PCNX4: variants seen among roughly 807,000 people sequenced by gnomAD.
PCNX4 encodes pecanex-like protein 4.
A neutral mutation model predicts 107.2 loss-of-function variants in PCNX4; 103 were observed. The ratio of observed to expected loss-of-function variants is 0.96; its 90% CI spans 0.82 to 1.13. PCNX4 has a LOEUF of 1.13. Ranked by LOEUF, PCNX4 falls within the 50% of genes most tolerant of loss-of-function variation. The probability of loss-of-function intolerance (pLI) is 0.00; values close to 1 mark genes in which losing one functional copy is unlikely to be tolerated. For synonymous variants in PCNX4, 541 were observed against 481.7 expected (o/e 1.12, Z -1.61); for missense variants, 1,528 against 1,379.4 (o/e 1.11, Z -1.71).
rs1406772418 is a variant in PCNX4 at position 60,121,247 on chromosome 14, T to C, written c.1994T>C (p.Met665Thr). ...TTGGGCCGTTTTCAGGATCGTTTAA[T>C]GTGGATAATGATTCTGGAATGTGGC... ...HYLGRFQDRL[M>T]WIMILECGYT... is the part of the protein sequence containing the mutation. Residue 665 changes from methionine to threonine, a missense_variant, in exon 8 of 11, where the codon ATG (methionine) becomes ACG (threonine). Physicochemically the swap from Met to Thr is moderately conservative, Grantham distance 81 (BLOSUM62 -1). Coordinates refer to ENST00000406854, the MANE Select transcript of PCNX4 (RefSeq NM_001330177.2). The C allele has an allele frequency of 3.8e-5, 61 of 1,609,508 alleles. No individual in the cohort carries two copies. Among genetic ancestry groups the C allele is most frequent in the Non-Finnish European group, 5.2e-5 (61 of 1,177,414 alleles).
rs1271460354 is a variant in PCNX4 at position 60,124,510 on chromosome 14, A to G, written c.2339A>G (p.Glu780Gly). 1 of 1,613,694 alleles carries G rather than the reference A, an allele frequency of 6.2e-7. No homozygotes were observed. The highest frequency in any genetic ancestry group is 8.5e-7 in the Non-Finnish European group (1 of 1,179,778). ...TGCTCCAAAAGGCCTGGCATGAAAG[A>G]GAATGTTCACAACACTGAAAATAAA... is the stretch of plus-strand genomic sequence containing the variant. ...QYCSKRPGMKENVHNTENKGK... is the reference protein window; with the variant it reads ...QYCSKRPGMKGNVHNTENKGK... The change falls in exon 9 of 11, where the codon GAG becomes GGG. Residue 780 changes from glutamate (E) to glycine (G), a missense_variant. By Grantham distance (98) the Glu-to-Gly change is moderately conservative (BLOSUM62 -2). Coordinates refer to ENST00000406854, the MANE Select transcript of PCNX4 (RefSeq NM_001330177.2).
chr14:60,097,933 C>T (rs117316309), intron 1 of PCNX4, among the ~76,000 whole-genome samples: 17 of 152,302 alleles, frequency 1.1e-4, no homozygotes, highest in African/African-American at 3.4e-4. Context: ...CCAGAAAGAA[C>T]ACACTGCCCC....
intron 1 of PCNX4, among the ~76,000 whole-genome samples, chr14:60,105,021 C>G (rs1001432567): frequency 6.6e-6 from 1 of 151,854 alleles, no homozygotes; most frequent in Non-Finnish European, 1.5e-5. Context: ...TTTTTTTTCC[C>G]CAGATTTTGG....
chr14:60,114,789 C>T lies in PCNX4; in HGVS notation c.779C>T (p.Thr260Ile), dbSNP rs374895763. ...VFLPFLWALG[T>I]LPPPDALLLW... ...TTACCCTTTCTGTGGGCACTTGGGACTCTGCCCCCACCCGATGCACTTCTC... is the reference window on the plus strand; with the variant it reads ...TTACCCTTTCTGTGGGCACTTGGGATTCTGCCCCCACCCGATGCACTTCTC... Residue 260 changes from threonine (T) to isoleucine (I), a missense_variant, in exon 3 of 11, where the codon ACT (threonine) becomes ATT (isoleucine). By Grantham distance (89) the Thr-to-Ile change is moderately conservative. Coordinates refer to ENST00000406854, the MANE Select transcript of PCNX4 (RefSeq NM_001330177.2). The T allele has an allele frequency of 2.7e-5, 43 of 1,613,700 alleles. No homozygotes were observed. The highest frequency in any genetic ancestry group is 3.3e-5 in the Non-Finnish European group (39 of 1,179,850).
chr14:60,120,334 C>G (rs1025923331), intron 7 of PCNX4, among the ~76,000 whole-genome samples: 5 of 152,114 alleles, frequency 3.3e-5, no homozygotes, highest in Admixed American at 1.3e-4. Context: ...CGCTGTCTGC[C>G]TAGGACATAC....
chr14:60,118,226 C>A, intron 6 of PCNX4, 103 bp from the exon 7 acceptor site: 5 of 1,297,120 alleles, frequency 3.9e-6, no homozygotes, highest in Admixed American at 3.5e-5. Context: ...TTCAAAAATA[C>A]TGGGGCAATA....
intron 1 of PCNX4, among the ~76,000 whole-genome samples, chr14:60,096,242 C>G (rs532643491): frequency 3.9e-4 from 60 of 152,316 alleles, no homozygotes; most frequent in African/African-American, 1.2e-3. Context: ...TGCAGGTCCT[C>G]CCTTGTGCTG....
intron 1 of PCNX4, among the ~76,000 whole-genome samples, chr14:60,104,611 G>A (rs1478181365): frequency 6.6e-6 from 1 of 152,202 alleles, no homozygotes; most frequent in East Asian, 1.9e-4. Context: ...TCTCATGGCT[G>A]AGGAGGCCTC....
At position 60,139,505 on chromosome 14, in the gene PCNX4, GT is replaced by G. The variant is rs1401977392; in HGVS notation, c.*5285del. 4 of 151,984 alleles carry G rather than the reference GT, an allele frequency of 2.6e-5. No individual in the cohort carries two copies. In the East Asian group the frequency reaches 7.7e-4, roughly 29 times the overall value. 9.4% of individuals were successfully genotyped at this position (151,984 alleles called of 1,614,324 possible). ...ACAGAACTAAAATGAGAAAAGACAA[GT>G]CTGCATTCCCAGATTTTAATATACT... On this transcript the variant is annotated 3_prime_UTR_variant, in exon 11 of 11. Coordinates refer to ENST00000406854, the MANE Select transcript of PCNX4 (RefSeq NM_001330177.2).
At position 60,134,018 on chromosome 14, in the gene PCNX4, G is replaced by A. The variant is rs770580520; in HGVS notation, c.3316G>A (p.Val1106Met). ...TAGCCTTCAAGAATTATTGATCCAA[G>A]TGGGAAAGTTAAATCCTGAAGCTGT... is the stretch of plus-strand genomic sequence containing the variant. ...VLSLQELLIQ[V>M]GKLNPEAVRG... The change falls in exon 11 of 11, where the codon GTG becomes ATG. Residue 1106 changes from valine (V) to methionine (M), a missense_variant. Transcript: ENST00000406854. 1.9e-5 allele frequency: 31 copies of A among 1,613,620 alleles called. No individual in the cohort carries two copies. In the South Asian group the frequency reaches 3.3e-4, roughly 17 times the overall value.
chr14:60,118,803 A>G (rs1389997929), intron 7 of PCNX4, 111 bp downstream of exon 7: 4 of 1,222,356 alleles, frequency 3.3e-6, no homozygotes, highest in Non-Finnish European at 4.2e-6. Context: ...CATAACAACC[A>G]TAACAATTTG....
At chr14:60,114,928 TTTTTC>T (rs1895813850) in intron 3 of PCNX4, 41 bp from the exon 4 acceptor site, 2 of 1,551,032 alleles carry the variant, frequency 1.3e-6, no homozygotes, top group Non-Finnish European at 1.7e-6. Flanking sequence ...TTAAAGAACA[TTTTTC>T]TTTTCAAGTA....
intron 10 of PCNX4, among the ~76,000 whole-genome samples, chr14:60,128,846 G>A (rs914069681): frequency 1.3e-5 from 2 of 152,152 alleles, no homozygotes; most frequent in African/African-American, 4.8e-5. Flanking sequence ...ACTGGATAAA[G>A]GAAATGAATC....
intron 2 of PCNX4, among the ~76,000 whole-genome samples, chr14:60,111,494 G>A (rs1223948108): frequency 6.6e-6 from 1 of 152,110 alleles, no homozygotes; most frequent in African/African-American, 2.4e-5. Context: ...GAGTTTAAAT[G>A]TGTGTATACA....
At chr14:60,097,244 G>A (rs2140527770) in intron 1 of PCNX4, among the ~76,000 whole-genome samples, 1 of 152,312 alleles carries the variant, frequency 6.6e-6, no homozygotes, top group South Asian at 2.1e-4. Context: ...CATGTCTAGT[G>A]AGTCTACGGA....
At chr14:60,105,753 T>C (rs160230) in intron 1 of PCNX4, among the ~76,000 whole-genome samples, 112,463 of 152,186 alleles carry the variant, frequency 0.74, 44,003 homozygotes, top group Non-Finnish European at 0.87. Flanking sequence ...AACATTCAGA[T>C]AGATAATCTG....
rs1053085772 is a variant in PCNX4, at chr14:60,144,679, A to C, written c.*10458A>C. On this transcript the variant is annotated 3_prime_UTR_variant, in exon 11 of 11. Transcript: ENST00000406854. ...CTGTGGTATTTTGTTATAGCAGCAC[A>C]AATGGACTAAGACAAATCTGTTAAC... is the stretch of plus-strand genomic sequence containing the variant. 1.1e-5 allele frequency: 3 copies of C among 283,502 alleles called. No individual in the cohort carries two copies. The highest frequency in any genetic ancestry group is 6.8e-5 in the African/African-American group (3 of 43,916). 17.6% of individuals were successfully genotyped at this position (283,502 alleles called of 1,614,324 possible). A position where few individuals can be genotyped will look rare whatever the true frequency, so the allele number is the denominator to read the frequency against.
At chr14:60,098,986 C>T (rs1258708283) in intron 1 of PCNX4, among the ~76,000 whole-genome samples, 1 of 151,912 alleles carries the variant, frequency 6.6e-6, no homozygotes, top group African/African-American at 2.4e-5. Context: ...ATTTAGCTGT[C>T]TATCCATGGC....
chr14:60,116,796 A>G (rs995469993), intron 6 of PCNX4, among the ~76,000 whole-genome samples: 1 of 152,190 alleles, frequency 6.6e-6, no homozygotes, highest in East Asian at 1.9e-4. Flanking sequence ...AACTCCATGT[A>G]TGTTATTGCC....
Sources: gnomAD v4.1 joint callset for allele counts (sites outside exome capture counted in the v4.1 genomes callset) on GRCh38, gnomAD v4.1.1 for gene constraint, MANE v1.5 for transcripts, NCBI Gene and HGNC (gene_info 2026-07-23, HGNC 2026-07-21) for gene names.